SLC35F3: variants seen among roughly 807,000 people sequenced by gnomAD.
The protein encoded by SLC35F3 is solute carrier family 35 member F3, also known as putative thiamine transporter SLC35F3.
A neutral mutation model predicts 49.9 loss-of-function variants in SLC35F3; 25 were observed. That is an observed-to-expected ratio of 0.50 (90% CI 0.37 to 0.70). The LOEUF (loss-of-function observed/expected upper bound fraction) is 0.70. SLC35F3 is among the 30% of genes least tolerant of loss of function. SLC35F3 has a pLI of 0.00. For synonymous variants in SLC35F3, 275 were observed against 265.4 expected (o/e 1.04, Z -0.35); for missense variants, 525 against 639.8 (o/e 0.82, Z 1.94).
At chr1:234,291,452 C>G (rs1668506984) in intron 3 of SLC35F3, among the ~76,000 whole-genome samples, 1 of 152,092 alleles carries the variant, frequency 6.6e-6, no homozygotes. Context: ...AGCAGGGTAG[C>G]ACAGAGCTGC....
intron 2 of SLC35F3, among the ~76,000 whole-genome samples, chr1:234,227,548 A>G (rs12043371): frequency 6.6e-6 from 1 of 151,812 alleles, no homozygotes; most frequent in African/African-American, 2.4e-5. Flanking sequence ...ACAGGTGCCC[A>G]CCACCACGCC....
At chr1:234,230,609 C>T (rs748084650) in intron 2 of SLC35F3, among the ~76,000 whole-genome samples, 13 of 152,204 alleles carry the variant, frequency 8.5e-5, no homozygotes, top group South Asian at 2.1e-4. Flanking sequence ...TGGAAAATAA[C>T]GCCTTTTCAC....
rs186531075 is a variant in SLC35F3 at position 234,017,663 on chromosome 1, G to A, written c.283+111905G>A. On this transcript the variant is annotated intron_variant, in intron 2 of 7. Coordinates refer to ENST00000366618, the MANE Select transcript of SLC35F3 (RefSeq NM_173508.4). ...CATGAGGCGGAGCTTGCAGTGAGCC[G>A]AGATCGCACCACTGTACTCCAGCCT... is the stretch of plus-strand genomic sequence containing the variant. Among the ~76,000 whole-genome samples the A allele has an allele frequency of 1.5e-4, 22 of 142,720 alleles. No individual in the cohort carries two copies. The East Asian group carries it at 4.2e-3, about 27-fold the overall frequency. 93.6% of individuals were successfully genotyped at this position (142,720 alleles called of 152,430 possible).
chr1:234,137,755 G>A (rs946154482), intron 2 of SLC35F3, among the ~76,000 whole-genome samples: 1 of 152,202 alleles, frequency 6.6e-6, no homozygotes, highest in African/African-American at 2.4e-5. Context: ...AGCACATGTC[G>A]CAGCAAGTAG....
chr1:233,963,168 G>A (rs566469150), intron 2 of SLC35F3, among the ~76,000 whole-genome samples: 10 of 152,144 alleles, frequency 6.6e-5, no homozygotes, highest in Non-Finnish European at 1.3e-4. Flanking sequence ...CATTTTAAGT[G>A]ATAGGTCACT....
Position 234,231,418 on chromosome 1 carries a change from G to T in SLC35F3, c.285G>T (p.Arg95Ser). ...TAACCACGCCCTTCTCTTCCCCAGG[G>T]GAGGAGCGCCCCCGGGACTCCCCGG... is the stretch of plus-strand genomic sequence containing the variant. ...GYQPWAASCK[R>S]EERPRDSPGP... The change falls in exon 3 of 8, where the codon AGG becomes AGT. Residue 95 changes from arginine (R) to serine (S), a missense_variant and splice_region_variant. Arg to Ser is a moderately radical substitution (Grantham distance 110). This residue lies in a region of SLC35F3 where 228 missense variants were observed against 218.9 expected (regional missense o/e 1.04). Transcript: ENST00000366618. The surrounding 1 kb of genome is among the most constrained non-coding windows in gnomAD (Gnocchi z 5.4). 2 of 1,548,496 alleles carry T rather than the reference G, an allele frequency of 1.3e-6. No individual in the cohort carries two copies. The highest frequency in any genetic ancestry group is 8.7e-7 in the Non-Finnish European group (1 of 1,150,422).
At chr1:234,268,031 C>T (rs988240805) in intron 3 of SLC35F3, among the ~76,000 whole-genome samples, 14 of 151,716 alleles carry the variant, frequency 9.2e-5, no homozygotes, top group African/African-American at 3.4e-4. Context: ...AGCAGAGACG[C>T]TCCTCACTTC....
intron 2 of SLC35F3, among the ~76,000 whole-genome samples, chr1:234,087,484 T>A (rs554475390): frequency 6.6e-6 from 1 of 152,276 alleles, no homozygotes; most frequent in East Asian, 1.9e-4. Flanking sequence ...CGACACCCAA[T>A]AAGCCAAGAG....
Position 233,988,192 on chromosome 1 carries a change from G to C in SLC35F3, c.283+82434G>C, listed in dbSNP as rs1024095188. Among the ~76,000 whole-genome samples, 5 of 152,022 alleles carry C rather than the reference G, an allele frequency of 3.3e-5. 1 individual carries two copies. The highest frequency in any genetic ancestry group is 1.2e-4 in the African/African-American group (5 of 41,384). Reference sequence around the variant, plus strand: ...CAGGGTCACGGTCTAGGGATCAGATGGTTTCATTAAAAGACTCCAAAATAT... The same window carrying C: ...CAGGGTCACGGTCTAGGGATCAGATCGTTTCATTAAAAGACTCCAAAATAT... On this transcript the variant is annotated intron_variant, in intron 2 of 7. Coordinates refer to ENST00000366618, the MANE Select transcript of SLC35F3 (RefSeq NM_173508.4).
chr1:234,172,575 A>G (rs1183601745), intron 2 of SLC35F3, among the ~76,000 whole-genome samples: 1 of 152,212 alleles, frequency 6.6e-6, no homozygotes, highest in Non-Finnish European at 1.5e-5. Flanking sequence ...AATGGGATTC[A>G]TTCTGAGAAA....
intron 4 of SLC35F3, among the ~76,000 whole-genome samples, chr1:234,311,235 G>A (rs1287579610): frequency 6.6e-6 from 1 of 152,218 alleles, no homozygotes; most frequent in Non-Finnish European, 1.5e-5. Flanking sequence ...CAGGAGTTCA[G>A]AGAGCTAGCA....
At position 234,309,203 on chromosome 1, in the gene SLC35F3, C is replaced by T. The variant is rs1474656577; in HGVS notation, c.711C>T (p.Tyr237=). 6.2e-7 allele frequency: 1 copy of T among 1,614,076 alleles called. No individual in the cohort carries two copies. Among genetic ancestry groups the T allele is most frequent in the Non-Finnish European group, 8.5e-7 (1 of 1,180,028 alleles). The part of the protein sequence containing the change: ...GVLWTLTNYL[Y]LHAIKKINTT... ...TTTGGACACTCACAAACTACCTGTA[C>T]TTACATGCAATAAAGAAAATAAACA... The change falls in exon 4 of 8, where the codon TAC becomes TAT. Residue 237 remains tyrosine (Y), a synonymous_variant. Transcript: ENST00000366618.
intron 2 of SLC35F3, among the ~76,000 whole-genome samples, chr1:234,143,964 A>T (rs1426440486): frequency 6.6e-6 from 1 of 152,088 alleles, no homozygotes; most frequent in Admixed American, 6.5e-5. Context: ...GCCCCTAGGG[A>T]TATAGGAATG....
intron 2 of SLC35F3, among the ~76,000 whole-genome samples, chr1:234,181,746 G>C (rs1233778523): frequency 6.6e-6 from 1 of 152,112 alleles, no homozygotes; most frequent in Non-Finnish European, 1.5e-5. Flanking sequence ...TTAGATAAAA[G>C]TTTGCTTGCA....
chr1:233,914,858 C>T (rs1661942996), intron 2 of SLC35F3, among the ~76,000 whole-genome samples: 1 of 152,156 alleles, frequency 6.6e-6, no homozygotes, highest in East Asian at 1.9e-4. Context: ...TCTTACTGCA[C>T]AGCCTAGAAA....
intron 2 of SLC35F3, chr1:234,213,195 A>AGGT (rs1222407278): frequency 8.0e-4 from 122 of 152,274 alleles, no homozygotes; most frequent in African/African-American, 2.9e-3. Flanking sequence ...CCCCTGTACC[A>AGGT]CTCCACAGAG....
chr1:234,258,469 C>T (rs1667854392), intron 3 of SLC35F3, among the ~76,000 whole-genome samples: 1 of 152,208 alleles, frequency 6.6e-6, no homozygotes, highest in Admixed American at 6.5e-5. Context: ...GAGCAGTAAA[C>T]AATGACTAGT....
At chr1:234,125,703 T>C (rs1665636129) in intron 2 of SLC35F3, among the ~76,000 whole-genome samples, 1 of 152,196 alleles carries the variant, frequency 6.6e-6, no homozygotes, top group Non-Finnish European at 1.5e-5. Flanking sequence ...CTAAAGAACA[T>C]CTCTCTGATC....
chr1:233,905,558 C>T lies in SLC35F3; in HGVS notation c.83C>T (p.Pro28Leu). 1 of 1,614,000 alleles carries T rather than the reference C, an allele frequency of 6.2e-7. No individual in the cohort carries two copies. The highest frequency in any genetic ancestry group is 1.1e-5 in the South Asian group (1 of 91,088). Residue 28 changes from proline to leucine, a missense_variant, in exon 2 of 8, where the codon CCC (proline) becomes CTC (leucine). Pro to Leu is a moderately conservative substitution (Grantham distance 98). Around this residue, in one of 4 missense-constraint regions of SLC35F3, gnomAD observed 228 missense variants for 218.9 expected, o/e 1.04. Transcript: ENST00000366618. ...ATGAGGAGGTCACCGGACGTCAGCC[C>T]CCGGAGACTGTCCGACATCAGCCCC... ...VGMRRSPDVS[P>L]RRLSDISPQL... is the part of the protein sequence containing the mutation.
Sources: allele counts gnomAD v4.1 joint callset (sites outside exome capture counted in the v4.1 genomes callset), GRCh38; gene constraint gnomAD v4.1.1; regional missense constraint gnomAD v4.1.1; non-coding constraint Gnocchi (gnomAD v3.1); transcripts MANE v1.5; gene names NCBI Gene and HGNC (gene_info 2026-07-23, HGNC 2026-07-21).